LMO7: variants seen among roughly 807,000 people sequenced by gnomAD.
LMO7 encodes the protein LIM domain only protein 7.
Under a neutral mutation model 206.5 loss-of-function variants are expected in LMO7, and 120 were observed. That is an observed-to-expected ratio of 0.58 (90% CI 0.50 to 0.68). The LOEUF (loss-of-function observed/expected upper bound fraction) is 0.68, where lower values mean the gene tolerates loss of function less well. Ranked by LOEUF, LMO7 falls within the 30% of genes least tolerant of loss-of-function variation. LMO7 has a pLI of 0.00. For missense variants in LMO7, 1,959 were observed against 1,957.9 expected (o/e 1.00, Z -0.01); for synonymous variants, 706 against 681.5 (o/e 1.04, Z -0.56).
chr13:75,843,541 T>C (rs1392199706), intron 25 of LMO7, among the ~76,000 whole-genome samples: 1 of 152,172 alleles, frequency 6.6e-6, no homozygotes, highest in Non-Finnish European at 1.5e-5. Flanking sequence ...TTCACATTAC[T>C]CCCCAAAGGG....
chr13:75,679,443 G>C (rs112560554), intron 1 of LMO7, among the ~76,000 whole-genome samples: 3 of 152,172 alleles, frequency 2.0e-5, no homozygotes, highest in African/African-American at 7.2e-5. Flanking sequence ...ATGGCGGAAG[G>C]GTGTTTTAGC....
chr13:75,713,137 C>CT (rs2043255875), intron 1 of LMO7, 45 bp from the exon 2 acceptor site: 1 of 1,392,492 alleles, frequency 7.2e-7, no homozygotes, highest in African/African-American at 1.4e-5. Context: ...GACTTGTGTG[C>CT]TATCCCTGCT....
At chr13:75,662,217 T>A (rs2038673495) in intron 1 of LMO7, among the ~76,000 whole-genome samples, 1 of 152,190 alleles carries the variant, frequency 6.6e-6, no homozygotes, top group African/African-American at 2.4e-5. Flanking sequence ...AAGCACACAT[T>A]TTGCACATAA....
chr13:75,688,783 C>T (rs947648767), intron 1 of LMO7: 1 of 152,008 alleles, frequency 6.6e-6, no homozygotes, highest in East Asian at 1.9e-4. Flanking sequence ...CTCTCAAAGG[C>T]CTGACTTACT....
chr13:75,663,394 G>A (rs1396634022), intron 1 of LMO7, among the ~76,000 whole-genome samples: 1 of 124,780 alleles, frequency 8.0e-6, no homozygotes, highest in Non-Finnish European at 1.7e-5. Context: ...TAAGAAGTAT[G>A]TCAGTGAATT....
At chr13:75,699,970 A>C (rs1236973857) in intron 1 of LMO7, among the ~76,000 whole-genome samples, 1 of 152,222 alleles carries the variant, frequency 6.6e-6, no homozygotes, top group East Asian at 1.9e-4. Flanking sequence ...CCAGGAATGC[A>C]TTCTTTTCCC....
intron 1 of LMO7, among the ~76,000 whole-genome samples, chr13:75,711,624 G>C (rs2043133296): frequency 6.6e-6 from 1 of 152,120 alleles, no homozygotes; most frequent in Admixed American, 6.6e-5. Context: ...CACCCCCCCT[G>C]TCCTGCACCC....
upstream of LMO7, chr13:75,631,466 T>C (rs903425978): frequency 6.6e-6 from 1 of 152,178 alleles, no homozygotes; most frequent in Non-Finnish European, 1.5e-5. Flanking sequence ...GGTTGAGTCT[T>C]TAGAAGCTGA....
intron 1 of LMO7, among the ~76,000 whole-genome samples, chr13:75,643,195 A>G (rs762518432): frequency 2.8e-4 from 43 of 152,256 alleles, no homozygotes; most frequent in Non-Finnish European, 3.7e-4. Flanking sequence ...TGCTTTGGGT[A>G]GTGAGGGACT....
At chr13:75,621,514 T>A in exon 1 of LMO7, 1 of 365,292 alleles carries the variant, frequency 2.7e-6, no homozygotes, top group Non-Finnish European at 4.9e-6. Context: ...GTTTATAGAA[T>A]CTAAATCACC....
chr13:75,851,206 A>G (rs1024175688), intron 27 of LMO7, among the ~76,000 whole-genome samples: 3 of 152,244 alleles, frequency 2.0e-5, no homozygotes, highest in Admixed American at 2.0e-4. Flanking sequence ...CCACTGAAGT[A>G]CAGTCTTATC....
At chr13:75,668,217 CCAAAAAA>C (rs1480540486) in intron 1 of LMO7, among the ~76,000 whole-genome samples, 2 of 151,826 alleles carry the variant, frequency 1.3e-5, no homozygotes, top group Non-Finnish European at 2.9e-5. Context: ...CGAAAAAGAA[CCAAAAAA>C]CAAAAAACAA....
At chr13:75,850,135 C>T (rs575749337) in intron 27 of LMO7, among the ~76,000 whole-genome samples, 2 of 152,062 alleles carry the variant, frequency 1.3e-5, no homozygotes, top group South Asian at 4.2e-4. Context: ...AGAAAAAAGA[C>T]AAAGGGATAT....
chr13:75,747,902 G>A (rs1329593826), intron 3 of LMO7, among the ~76,000 whole-genome samples: 2 of 152,170 alleles, frequency 1.3e-5, no homozygotes, highest in Non-Finnish European at 2.9e-5. Context: ...ACGAGGAGAG[G>A]GAGAACCAGA....
chr13:75,841,892 G>A lies in LMO7; in HGVS notation c.3940G>A (p.Glu1314Lys). 2 of 1,613,922 alleles carry A rather than the reference G, an allele frequency of 1.2e-6. No homozygotes were observed. Among genetic ancestry groups the A allele is most frequent in the Non-Finnish European group, 1.7e-6 (2 of 1,179,882 alleles). ...GCAAGAGCAAAAGCGGCTTCAGGCTGAGGCTGAGGAGCAGAAGCGTCCTGC... is the reference window on the plus strand; with the variant it reads ...GCAAGAGCAAAAGCGGCTTCAGGCTAAGGCTGAGGAGCAGAAGCGTCCTGC... Reference protein sequence around the residue: ...EEQEQKRLQAEAEEQKRPAEE... With the variant: ...EEQEQKRLQAKAEEQKRPAEE... Residue 1314 changes from glutamate to lysine, a missense_variant, in exon 24 of 31, where the codon GAG becomes AAG. Transcript: ENST00000377534.
At chr13:75,780,610 C>T (rs916032867) in intron 4 of LMO7, among the ~76,000 whole-genome samples, 10 of 151,990 alleles carry the variant, frequency 6.6e-5, no homozygotes, top group African/African-American at 1.5e-4. Context: ...GATCAAGAGG[C>T]GACATACATC....
intron 8 of LMO7, chr13:75,804,865 G>A: frequency 4.8e-6 from 5 of 1,047,430 alleles, no homozygotes; most frequent in Non-Finnish European, 5.7e-6. Flanking sequence ...ATTGATCTTA[G>A]TGGACATGAA....
In LMO7 at chr13:75,856,486, CTTT is replaced by C; in HGVS notation, c.4771-12_4771-10del. ...CTTGAGCTGACTGATTGTAGATGTT[CTTT>C]TTTTTTTGTTCCCCAGTGTGTTGCC... On this transcript the variant is annotated splice_polypyrimidine_tract_variant and intron_variant, in intron 29 of 30. Coordinates refer to ENST00000377534, the MANE Select transcript of LMO7 (RefSeq NM_001306080.2). The C allele has an allele frequency of 3.1e-6, 4 of 1,277,978 alleles. No homozygotes were observed. Among genetic ancestry groups the C allele is most frequent in the South Asian group, 1.4e-5 (1 of 73,674 alleles). 79.2% of individuals were successfully genotyped at this position (1,277,978 alleles called of 1,614,324 possible).
intron 4 of LMO7, among the ~76,000 whole-genome samples, chr13:75,776,016 C>A (rs1311567793): frequency 6.7e-6 from 1 of 148,990 alleles, no homozygotes; most frequent in South Asian, 2.1e-4. Context: ...ATGTTTATTG[C>A]AACACTATTT....
Sources: gnomAD v4.1 joint callset for allele counts (sites outside exome capture counted in the v4.1 genomes callset) on GRCh38, gnomAD v4.1.1 for gene constraint, MANE v1.5 for transcripts, NCBI Gene and HGNC (gene_info 2026-07-23, HGNC 2026-07-21) for gene names.